Variants in ZNF385D observed in about 807,000 individuals in gnomAD.
The protein encoded by ZNF385D is zinc finger protein 659.
ZNF385D carries 15 observed loss-of-function variants against 35.8 expected under a neutral mutation model. That is an observed-to-expected ratio of 0.42 (90% confidence interval 0.28 to 0.64). ZNF385D has a LOEUF of 0.64. ZNF385D is among the 30% of genes least tolerant of loss of function. The probability of loss-of-function intolerance (pLI) is 0.23; values close to 1 mark genes in which losing one functional copy is unlikely to be tolerated. For synonymous variants in ZNF385D, 212 were observed against 186.8 expected, an observed-to-expected ratio of 1.13 and a Z score of -1.10; for missense variants, 474 against 494.6, an observed-to-expected ratio of 0.96 and a Z score of 0.39.
intron 3 of ZNF385D, among the ~76,000 whole-genome samples, chr3:21,804,113 TAA>T (rs889920364): frequency 3.9e-5 from 6 of 152,116 alleles, no homozygotes; most frequent in Non-Finnish European, 7.4e-5. Flanking sequence ...CAAGGAAAAA[TAA>T]AAGTGTGTAA....
chr3:21,965,503 A>ACTGTAC (rs1702864166), intron 3 of ZNF385D, among the ~76,000 whole-genome samples: 2 of 152,136 alleles, frequency 1.3e-5, no homozygotes, highest in African/African-American at 4.8e-5. Flanking sequence ...CCTCAGAGTA[A>ACTGTAC]CTGGCTTGTA....
intron 2 of ZNF385D, among the ~76,000 whole-genome samples, chr3:22,316,715 T>G (rs757476567): frequency 4.6e-5 from 7 of 152,220 alleles, no homozygotes; most frequent in Non-Finnish European, 1.0e-4. Flanking sequence ...AGAGTTATAT[T>G]GATAATCAAT....
chr3:22,360,294 C>T (rs925305550), intron 2 of ZNF385D, among the ~76,000 whole-genome samples: 2 of 151,884 alleles, frequency 1.3e-5, no homozygotes, highest in Non-Finnish European at 2.9e-5. Flanking sequence ...TTATTTTCCA[C>T]GAAGGTATGC....
At chr3:21,445,830 C>A (rs1038152726) in intron 4 of ZNF385D, among the ~76,000 whole-genome samples, 1 of 152,292 alleles carries the variant, frequency 6.6e-6, no homozygotes, top group African/African-American at 2.4e-5. Context: ...AATAAAAAAG[C>A]ATATCATTGA....
intron 3 of ZNF385D, among the ~76,000 whole-genome samples, chr3:21,959,502 A>T (rs920625099): frequency 3.9e-5 from 6 of 152,182 alleles, no homozygotes; most frequent in African/African-American, 1.4e-4. Context: ...CAACACATTC[A>T]TTTCAAATTG....
chr3:21,779,352 C>T (rs888974378), intron 3 of ZNF385D, among the ~76,000 whole-genome samples: 12 of 134,716 alleles, frequency 8.9e-5, no homozygotes, highest in African/African-American at 3.2e-4. Context: ...GTCTAAATAG[C>T]CCATGTGGAA....
chr3:21,663,561 G>C (rs1049556567), intron 2 of ZNF385D, among the ~76,000 whole-genome samples: 6 of 151,988 alleles, frequency 3.9e-5, no homozygotes, highest in Admixed American at 6.6e-5. Flanking sequence ...GGGGATTTCA[G>C]TGTAGTCATT....
chr3:22,352,204 T>C (rs1319686969), intron 2 of ZNF385D, among the ~76,000 whole-genome samples: 5 of 152,014 alleles, frequency 3.3e-5, no homozygotes, highest in Non-Finnish European at 7.4e-5. Flanking sequence ...GAAAGCAAAA[T>C]TGAAGAAAAA....
At chr3:21,475,554 A>G (rs138398879) in intron 4 of ZNF385D, among the ~76,000 whole-genome samples, 1 of 152,266 alleles carries the variant, frequency 6.6e-6, no homozygotes, top group East Asian at 1.9e-4. Context: ...TGACTTCTCT[A>G]ATATTAAAAA....
chr3:21,927,177 T>C (rs562028826), intron 3 of ZNF385D, among the ~76,000 whole-genome samples: 8 of 152,250 alleles, frequency 5.3e-5, no homozygotes, highest in African/African-American at 1.7e-4. Flanking sequence ...CTTTCTCCTT[T>C]AGCCATGGAT....
chr3:21,855,749 A>T (rs1490617212), intron 3 of ZNF385D, among the ~76,000 whole-genome samples: 1 of 152,072 alleles, frequency 6.6e-6, no homozygotes, highest in Non-Finnish European at 1.5e-5. Context: ...ATTTAAAGTA[A>T]TAACTTAAGT....
intron 3 of ZNF385D, among the ~76,000 whole-genome samples, chr3:21,863,303 T>C (rs1045102386): frequency 5.9e-5 from 9 of 152,192 alleles, no homozygotes; most frequent in Non-Finnish European, 8.8e-5. Context: ...TCCAAAATTG[T>C]TGACATTCTT....
intron 3 of ZNF385D, among the ~76,000 whole-genome samples, chr3:22,129,566 C>T (rs969499718): frequency 4.6e-5 from 7 of 152,106 alleles, no homozygotes; most frequent in South Asian, 2.1e-4. Context: ...TTACTTATCC[C>T]TGTCCTTTCC....
At chr3:22,231,514 C>CT (rs1265261018) in intron 2 of ZNF385D, among the ~76,000 whole-genome samples, 2 of 152,144 alleles carry the variant, frequency 1.3e-5, no homozygotes, top group East Asian at 3.9e-4. Flanking sequence ...GTCTGAACAG[C>CT]TTTCTTCAGT....
rs144210375 is a variant in ZNF385D at position 21,770,805 on chromosome 3, T to C, written c.326-105777A>G. 4.3e-3 allele frequency among the ~76,000 whole-genome samples: 651 copies of C among 152,056 alleles called. 4 individuals are homozygous for C. Among genetic ancestry groups the C allele is most frequent in the African/African-American group, 0.015 (617 of 41,490 alleles). The stretch of plus-strand genomic sequence containing the variant: ...ACATGCACACGTATGTTTATTGCGG[T>C]ACTACTCACAATAGCAAAGACTTGG... On this transcript the variant is annotated intron_variant, in intron 3 of 5. Coordinates refer to the ZNF385D transcript ENST00000494108.
chr3:21,799,190 A>G (rs1026761669), intron 3 of ZNF385D, among the ~76,000 whole-genome samples: 1 of 152,118 alleles, frequency 6.6e-6, no homozygotes, highest in African/African-American at 2.4e-5. Flanking sequence ...CCATTTATTT[A>G]CCTATTAAGC....
At chr3:22,372,366 A>C (rs565520258) in intron 2 of ZNF385D, 3 of 882,252 alleles carry the variant, frequency 3.4e-6, no homozygotes, top group Non-Finnish European at 4.1e-6. Flanking sequence ...GGTATCCCGC[A>C]GGGGCGCAAC....
chr3:21,663,919 T>TATATATATATATATA lies in ZNF385D; in HGVS notation c.165+966_165+967insTATATATATATATAT, dbSNP rs1201308131. 6.4e-3 allele frequency among the ~76,000 whole-genome samples: 251 copies of TATATATATATATATA among 39,058 alleles called. 1 individual carries two copies. Among genetic ancestry groups the TATATATATATATATA allele is most frequent in the Middle Eastern group, 0.017 (1 of 60 alleles). The allele number at this position is 39,058 out of a possible 152,430, so 25.6% of individuals were successfully genotyped here. ...TATATATATATATATATATATATAT[T>TATATATATATATATA]TATTTATTTAAATCCATCATGGGGA... is the stretch of plus-strand genomic sequence containing the variant. On this transcript the variant is annotated intron_variant, in intron 2 of 7. Coordinates refer to ENST00000281523, the MANE Select transcript of ZNF385D (RefSeq NM_024697.3).
At chr3:21,802,440 C>G (rs912079657) in intron 3 of ZNF385D, among the ~76,000 whole-genome samples, 3 of 152,028 alleles carry the variant, frequency 2.0e-5, no homozygotes, top group African/African-American at 7.2e-5. Flanking sequence ...CCTTCAAAAG[C>G]ATAGAATAAA....
Sources: gnomAD v4.1 joint callset for allele counts (sites outside exome capture counted in the v4.1 genomes callset) on GRCh38, gnomAD v4.1.1 for gene constraint, MANE v1.5 for transcripts, NCBI Gene and HGNC (gene_info 2026-07-23, HGNC 2026-07-21) for gene names.